Variants in CLTC observed in about 807,000 individuals in gnomAD.
The protein encoded by CLTC is clathrin heavy chain 1.
Under a neutral mutation model 195.8 loss-of-function variants are expected in CLTC, and 16 were observed. The observed-to-expected ratio is 0.08, with a 90% CI of 0.06 to 0.12. CLTC has a LOEUF of 0.12. CLTC is among the 10% of genes least tolerant of loss of function. CLTC has a pLI of 1.00. For synonymous variants in CLTC, 667 were observed against 689.4 expected, an observed-to-expected ratio of 0.97 and a Z score of 0.51; for missense variants, 796 against 2,027.0, an observed-to-expected ratio of 0.39 and a Z score of 11.66.
At chr17:59,644,085 A>G (rs2032120182) in intron 1 of CLTC, among the ~76,000 whole-genome samples, 191 bp from the exon 2 acceptor site, 1 of 152,204 alleles carries the variant, frequency 6.6e-6, no homozygotes, top group African/African-American at 2.4e-5. Flanking sequence ...AAACAGTTGA[A>G]TGGCATGTTT....
chr17:59,689,121 G>A (rs2033244323), intron 30 of CLTC: 1 of 152,108 alleles, frequency 6.6e-6, no homozygotes, highest in African/African-American at 2.4e-5. Flanking sequence ...TATAAAGTAG[G>A]ATAATAGTGT....
In CLTC at chr17:59,677,160, G is replaced by A. The variant is rs374166486; in HGVS notation, c.2768G>A (p.Arg923His). The change falls in exon 17 of 32, where the codon CGT becomes CAT. Residue 923 changes from arginine (R) to histidine (H), a missense_variant. Physicochemically the swap from Arg to His is conservative, Grantham distance 29. Coordinates refer to ENST00000269122, the MANE Select transcript of CLTC (RefSeq NM_004859.4). ...CATCTGGCCTGTGTTGCTTATGAAC[G>A]TGGCCAATGTGATCTGGAACTTATT... ...DPHLACVAYE[R>H]GQCDLELINV... 91 of 1,613,766 alleles carry A rather than the reference G, an allele frequency of 5.6e-5. No homozygotes were observed. Among genetic ancestry groups the A allele is most frequent in the Non-Finnish European group, 7.0e-5 (83 of 1,179,806 alleles).
At position 59,666,434 on chromosome 17, in the gene CLTC, T is replaced by C. The variant is rs377733515; in HGVS notation, c.1783-46T>C. ...TGTAATACGGATATTGAATTACTCA[T>C]GTAAGTGGAGTGGACAATAAACTTG... is the stretch of plus-strand genomic sequence containing the variant. On this transcript the variant is annotated intron_variant, in intron 11 of 31. Transcript: ENST00000269122. This position sits in a 1 kb window ranked among gnomAD's most constrained non-coding sequence, Gnocchi z 4.9. The C allele has an allele frequency of 1.4e-5, 23 of 1,594,644 alleles. No homozygotes were observed. In the African/African-American group the frequency reaches 2.3e-4, roughly 16 times the overall value.
In CLTC at chr17:59,651,446, G is replaced by A. The variant is rs2032324832; in HGVS notation, c.795+130G>A. The A allele has an allele frequency of 5.3e-5, 36 of 674,494 alleles. No homozygotes were observed. The South Asian group carries it at 6.8e-4, about 13-fold the overall frequency. The allele number at this position is 674,494 out of a possible 1,614,324, so 41.8% of individuals were successfully genotyped here. ...TACTTTTTTAAAGTTTATTAGTGAA[G>A]CTTTGTAAAATAATACCTTGGCTTT... On this transcript the variant is annotated intron_variant, in intron 5 of 31. Transcript: ENST00000269122.
At chr17:59,625,200 C>A (rs1341608176) in intron 1 of CLTC, among the ~76,000 whole-genome samples, 2 of 151,442 alleles carry the variant, frequency 1.3e-5, no homozygotes, top group Non-Finnish European at 2.9e-5. Context: ...CCTCCGCCTT[C>A]CAGGTTCAAG....
At chr17:59,686,053 T>G (rs1424984733) in intron 30 of CLTC, among the ~76,000 whole-genome samples, 1 of 152,190 alleles carries the variant, frequency 6.6e-6, no homozygotes, top group Non-Finnish European at 1.5e-5. Flanking sequence ...ATGTATTTTT[T>G]TATTTAAAAA....
At chr17:59,640,785 TAA>T (rs1211101206) in intron 1 of CLTC, among the ~76,000 whole-genome samples, 2 of 152,124 alleles carry the variant, frequency 1.3e-5, no homozygotes, top group East Asian at 3.9e-4. Context: ...GACCACCACT[TAA>T]GTGTGCTTTT....
At chr17:59,671,733 TA>T (rs1300335134) in intron 14 of CLTC, among the ~76,000 whole-genome samples, 1 of 152,200 alleles carries the variant, frequency 6.6e-6, no homozygotes, top group Non-Finnish European at 1.5e-5. Context: ...GCCTGCTAGC[TA>T]TTCCTGGAAC....
intron 14 of CLTC, among the ~76,000 whole-genome samples, chr17:59,672,737 C>A (rs1419627906): frequency 6.6e-6 from 1 of 152,092 alleles, no homozygotes; most frequent in Admixed American, 6.5e-5. Context: ...TAACTAATAT[C>A]CCCTAGTCTC....
intron 18 of CLTC, 105 bp from the exon 19 acceptor site, chr17:59,680,807 C>T (rs1276954038): frequency 2.4e-6 from 2 of 826,708 alleles, no homozygotes; most frequent in Non-Finnish European, 3.7e-6. Flanking sequence ...CTTTTTCCTA[C>T]TTCATTCTTT....
At chr17:59,652,224 T>C (rs76155790) in intron 5 of CLTC, among the ~76,000 whole-genome samples, 4,723 of 152,270 alleles carry the variant, frequency 0.031, 112 homozygotes, top group Non-Finnish European at 0.045. Flanking sequence ...TCCATGAAGG[T>C]TGGAATCAGC....
intron 15 of CLTC, 87 bp downstream of exon 15, chr17:59,673,859 T>C: frequency 1.3e-6 from 1 of 751,172 alleles, no homozygotes; most frequent in Non-Finnish European, 2.2e-6. Flanking sequence ...AACTCTGTGC[T>C]CAATAAGAGT....
At chr17:59,641,562 C>T (rs979723280) in intron 1 of CLTC, among the ~76,000 whole-genome samples, 5 of 121,996 alleles carry the variant, frequency 4.1e-5, no homozygotes, top group African/African-American at 1.5e-4. Context: ...GATCGAGCCA[C>T]TGTACTCCAG....
intron 1 of CLTC, among the ~76,000 whole-genome samples, chr17:59,622,464 A>T (rs1355000368): frequency 1.3e-5 from 2 of 152,074 alleles, no homozygotes; most frequent in East Asian, 3.9e-4. Flanking sequence ...TGCAGCCTTG[A>T]CCTACTGGGC....
intron 1 of CLTC, among the ~76,000 whole-genome samples, chr17:59,620,782 A>C (rs2031349373): frequency 6.6e-6 from 1 of 152,154 alleles, no homozygotes; most frequent in Non-Finnish European, 1.5e-5. Context: ...GGTCACTGAA[A>C]GAACGGAACG....
chr17:59,655,619 A>G (rs1041960968), intron 5 of CLTC, among the ~76,000 whole-genome samples: 6 of 152,206 alleles, frequency 3.9e-5, no homozygotes, highest in African/African-American at 1.4e-4. Context: ...AAACTGTGCT[A>G]TCTAAGTTTT....
chr17:59,677,618 G>A (rs945142803), intron 17 of CLTC, among the ~76,000 whole-genome samples: 1 of 152,098 alleles, frequency 6.6e-6, no homozygotes, highest in Non-Finnish European at 1.5e-5. Flanking sequence ...ACATTGATAG[G>A]ATACCTTTAA....
chr17:59,660,450 A>T lies in CLTC; in HGVS notation c.1029A>T (p.Gln343His). 6.2e-7 allele frequency: 1 copy of T among 1,614,160 alleles called. No individual in the cohort carries two copies. The highest frequency in any genetic ancestry group is 8.5e-7 in the Non-Finnish European group (1 of 1,180,014). ...NIIPYITNVL[Q>H]NPDLALRMAV... ...TTCCTTACATCACCAATGTTCTACA[A>T]AATCCTGATTTGGCTCTGAGAATGG... The change falls in exon 7 of 32, where the codon CAA becomes CAT. Residue 343 changes from glutamine (Q) to histidine (H), a missense_variant. Gln to His is a conservative substitution (Grantham distance 24). Transcript: ENST00000269122.
intron 1 of CLTC, among the ~76,000 whole-genome samples, chr17:59,638,685 G>A (rs1011201325): frequency 6.6e-6 from 1 of 152,094 alleles, no homozygotes; most frequent in Non-Finnish European, 1.5e-5. Flanking sequence ...TAGGGTTCGC[G>A]TGCCTATGAG....
Sources: gnomAD v4.1 joint callset for allele counts (sites outside exome capture counted in the v4.1 genomes callset) on GRCh38, gnomAD v4.1.1 for gene constraint, Gnocchi (gnomAD v3.1) non-coding constraint, MANE v1.5 for transcripts, NCBI Gene and HGNC (gene_info 2026-07-23, HGNC 2026-07-21) for gene names.